FKBP9: variants seen among roughly 807,000 people sequenced by gnomAD.
The protein encoded by FKBP9 is FKBP prolyl isomerase 9, also known as peptidyl-prolyl cis-trans isomerase FKBP9.
In FKBP9, 27 loss-of-function variants were observed where a neutral mutation model predicts 55.6. The ratio of observed to expected loss-of-function variants is 0.49; its 90% CI spans 0.36 to 0.67. The LOEUF (loss-of-function observed/expected upper bound fraction) is 0.67. Among genes scored for constraint, FKBP9 ranks in the 30% least tolerant of loss-of-function variants. FKBP9 has a pLI of 0.00. For missense variants in FKBP9, 539 were observed against 742.8 expected, an observed-to-expected ratio of 0.73 and a Z score of 3.19; for synonymous variants, 267 against 296.5, an observed-to-expected ratio of 0.90 and a Z score of 1.02.
At chr7:32,963,177 G>C (rs1231645378) in intron 1 of FKBP9, among the ~76,000 whole-genome samples, 1 of 152,092 alleles carries the variant, frequency 6.6e-6, no homozygotes, top group Non-Finnish European at 1.5e-5. Context: ...TAAGAGAGTG[G>C]ATGGGGTGGA....
At chr7:32,986,280 C>T (rs972749516) in intron 5 of FKBP9, among the ~76,000 whole-genome samples, 2 of 152,194 alleles carry the variant, frequency 1.3e-5, no homozygotes, top group African/African-American at 4.8e-5. Context: ...GCAACTATTC[C>T]AGTGGGCAGC....
At chr7:32,986,404 C>T (rs1324688719) in intron 5 of FKBP9, among the ~76,000 whole-genome samples, 1 of 152,258 alleles carries the variant, frequency 6.6e-6, no homozygotes, top group Admixed American at 6.5e-5. Context: ...CTGCACATTG[C>T]TGGTGATCCC....
chr7:32,975,029 A>G (rs1389374172), intron 2 of FKBP9, 153 bp from the exon 3 acceptor site: 7 of 676,868 alleles, frequency 1.0e-5, no homozygotes, highest in Non-Finnish European at 1.8e-5. Context: ...ATTTGGAGGA[A>G]AGAGGGAGGA....
chr7:32,983,859 A>G (rs1784528436), intron 5 of FKBP9, among the ~76,000 whole-genome samples: 1 of 152,182 alleles, frequency 6.6e-6, no homozygotes, highest in African/African-American at 2.4e-5. Context: ...TCTTTTGTGA[A>G]CTACCTGTTC....
chr7:32,962,755 A>G (rs957644559), intron 1 of FKBP9, among the ~76,000 whole-genome samples: 6 of 152,132 alleles, frequency 3.9e-5, no homozygotes, highest in African/African-American at 1.4e-4. Context: ...AGGATGTAAC[A>G]GTGAATAAAA....
intron 5 of FKBP9, among the ~76,000 whole-genome samples, chr7:32,984,652 A>G (rs1417454852): frequency 2.0e-5 from 3 of 152,200 alleles, no homozygotes; most frequent in African/African-American, 4.8e-5. Context: ...TCTCACTACC[A>G]TGAGATCGCC....
At chr7:33,005,113 G>A in intron 9 of FKBP9, 62 bp from the exon 10 acceptor site, 2 of 1,577,810 alleles carry the variant, frequency 1.3e-6, no homozygotes, top group Non-Finnish European at 1.7e-6. Flanking sequence ...TCTGTTTCTG[G>A]CCCCAGGCCT....
intron 7 of FKBP9, among the ~76,000 whole-genome samples, chr7:32,998,288 T>C (rs1180200095): frequency 6.6e-6 from 1 of 152,054 alleles, no homozygotes; most frequent in Non-Finnish European, 1.5e-5. Flanking sequence ...CTGTCACTGC[T>C]CCTGCTGATG....
intron 3 of FKBP9, among the ~76,000 whole-genome samples, chr7:32,976,120 T>C (rs775712807): frequency 2.0e-5 from 3 of 152,202 alleles, no homozygotes; most frequent in Non-Finnish European, 4.4e-5. Context: ...GTTTGATTAG[T>C]GGAATAGCTG....
chr7:32,976,787 A>G (rs1784370733), intron 4 of FKBP9, among the ~76,000 whole-genome samples: 1 of 152,186 alleles, frequency 6.6e-6, no homozygotes, highest in Non-Finnish European at 1.5e-5. Context: ...AGAAAGTTCT[A>G]TTTGACAGTG....
intron 8 of FKBP9, among the ~76,000 whole-genome samples, chr7:33,001,441 A>C (rs1330749524): frequency 1.3e-5 from 2 of 152,178 alleles, no homozygotes; most frequent in East Asian, 3.9e-4. Flanking sequence ...AGGCTGAGGC[A>C]GGAGAATCGT....
rs1785030680 is a variant in FKBP9, at chr7:33,005,917, T to C, written c.*566T>C. ...CGCACACGCACACGCACATCATGCT[T>C]TTCCAGCTCATCACACCCCGCCCCA... On this transcript the variant is annotated 3_prime_UTR_variant, in exon 10 of 10. Transcript: ENST00000242209. 4.3e-6 allele frequency: 1 copy of C among 232,096 alleles called. No individual in the cohort carries two copies. Among genetic ancestry groups the C allele is most frequent in the Non-Finnish European group, 8.5e-6 (1 of 117,628 alleles). 14.4% of individuals were successfully genotyped at this position (232,096 alleles called of 1,614,324 possible). A position where few individuals can be genotyped will look rare whatever the true frequency, so the allele number is the denominator to read the frequency against.
intron 6 of FKBP9, chr7:32,995,035 A>G (rs1280771192): frequency 6.6e-6 from 1 of 151,950 alleles, no homozygotes; most frequent in African/African-American, 2.4e-5. Flanking sequence ...CAGTGGTGCA[A>G]TCCTAACTCA....
intron 6 of FKBP9, among the ~76,000 whole-genome samples, chr7:32,992,271 C>G (rs1784699159): frequency 6.9e-6 from 1 of 145,038 alleles, no homozygotes; most frequent in Admixed American, 6.9e-5. Flanking sequence ...CAGAGGAAAC[C>G]CACCCCCTCA....
chr7:32,959,110 A>C (rs1783964678), intron 1 of FKBP9, among the ~76,000 whole-genome samples: 1 of 152,140 alleles, frequency 6.6e-6, no homozygotes, highest in Non-Finnish European at 1.5e-5. Context: ...TTACTTTAAA[A>C]AAAAAAAACA....
intron 5 of FKBP9, among the ~76,000 whole-genome samples, chr7:32,983,522 C>A (rs2127984180): frequency 6.6e-6 from 1 of 152,024 alleles, no homozygotes; most frequent in African/African-American, 2.4e-5. Flanking sequence ...GCCATGTTGG[C>A]CAGGCTGGTG....
chr7:32,977,489 G>A (rs1784381353), intron 4 of FKBP9, among the ~76,000 whole-genome samples: 1 of 152,070 alleles, frequency 6.6e-6, no homozygotes, highest in Admixed American at 6.6e-5. Context: ...TAACACAATG[G>A]TAAGAATTTG....
At position 33,005,892 on chromosome 7, in the gene FKBP9, C is replaced by T. The variant is rs577786736; in HGVS notation, c.*541C>T. The T allele has an allele frequency of 1.0e-4, 24 of 232,780 alleles. No homozygotes were observed. The highest frequency in any genetic ancestry group is 4.6e-4 in the African/African-American group (21 of 45,294). The allele number at this position is 232,780 out of a possible 1,614,324, so 14.4% of individuals were successfully genotyped here. ...CAAATTCTGATGATGGCCCCACCCC[C>T]GCACACGCACACGCACATCATGCTT... is the stretch of plus-strand genomic sequence containing the variant. On this transcript the variant is annotated 3_prime_UTR_variant, in exon 10 of 10. Coordinates refer to ENST00000242209, the MANE Select transcript of FKBP9 (RefSeq NM_007270.5).
At chr7:32,974,870 A>G in intron 2 of FKBP9, 108 bp downstream of exon 2, 1 of 1,093,140 alleles carries the variant, frequency 9.1e-7, no homozygotes, top group Non-Finnish European at 1.3e-6. Context: ...AGATTGGGGG[A>G]AAATGAAAAG....
Sources: allele counts gnomAD v4.1 joint callset (sites outside exome capture counted in the v4.1 genomes callset), GRCh38; gene constraint gnomAD v4.1.1; transcripts MANE v1.5; gene names NCBI Gene and HGNC (gene_info 2026-07-23, HGNC 2026-07-21).